The following PACRG variants were observed in gnomAD, a reference collection of about 807,000 sequenced individuals.
PACRG encodes the protein parkin coregulated gene protein.
Under a neutral mutation model 29.7 loss-of-function variants are expected in PACRG, and 29 were observed. The observed-to-expected ratio is 0.98, with a 90% CI of 0.73 to 1.33. The LOEUF (loss-of-function observed/expected upper bound fraction) is 1.33, where lower values mean the gene tolerates loss of function less well. Ranked by LOEUF, PACRG falls within the 40% of genes most tolerant of loss-of-function variation. The probability of loss-of-function intolerance (pLI) is 0.00; values close to 1 mark genes in which losing one functional copy is unlikely to be tolerated. For synonymous variants in PACRG, 116 were observed against 118.7 expected, an observed-to-expected ratio of 0.98 and a Z score of 0.15; for missense variants, 279 against 316.2, an observed-to-expected ratio of 0.88 and a Z score of 0.89.
intron 1 of PACRG, among the ~76,000 whole-genome samples, chr6:162,779,279 C>T (rs75674869): frequency 0.016 from 2,492 of 152,270 alleles, 41 homozygotes; most frequent in Middle Eastern, 0.034. Flanking sequence ...TCCAGTCTGT[C>T]GTCAACGAGC....
rs554397381 is a variant in PACRG, at chr6:162,741,651, C to T, written c.156+13260C>T. 3.3e-5 allele frequency among the ~76,000 whole-genome samples: 5 copies of T among 152,302 alleles called. No individual in the cohort carries two copies. In the South Asian group the frequency reaches 1.0e-3, roughly 32 times the overall value. On this transcript the variant is annotated intron_variant, in intron 1 of 4. Transcript: ENST00000366888. Reference sequence around the variant, plus strand: ...TTCACATTAGGGATTAGAGCTTCAACACATTAATTTTGGGGAACACAAACA... The same window carrying T: ...TTCACATTAGGGATTAGAGCTTCAATACATTAATTTTGGGGAACACAAACA...
intron 4 of PACRG, among the ~76,000 whole-genome samples, chr6:163,131,597 T>G (rs1224965807): frequency 1.3e-5 from 2 of 152,140 alleles, no homozygotes; most frequent in African/African-American, 2.4e-5. Flanking sequence ...ACCAGGTTTG[T>G]GGTATGTTTT....
At chr6:162,751,854 A>G (rs6925873) in intron 1 of PACRG, among the ~76,000 whole-genome samples, 33,232 of 151,956 alleles carry the variant, frequency 0.22, 4,347 homozygotes, top group African/African-American at 0.34. Flanking sequence ...TCACACTCCA[A>G]CCCCAAAATG....
intron 4 of PACRG, among the ~76,000 whole-genome samples, chr6:163,135,783 C>T (rs1211347514): frequency 1.3e-5 from 2 of 152,176 alleles, no homozygotes; most frequent in South Asian, 2.1e-4. Context: ...GTGCATCGCT[C>T]GACAAGCCGG....
At chr6:163,294,780 A>G (rs1281455104) in intron 4 of PACRG, among the ~76,000 whole-genome samples, 1 of 151,656 alleles carries the variant, frequency 6.6e-6, no homozygotes, top group Non-Finnish European at 1.5e-5. Context: ...TAGAAGGAAA[A>G]CAGTTTTCAT....
At chr6:163,116,639 A>G (rs1457091408) in intron 4 of PACRG, among the ~76,000 whole-genome samples, 1 of 152,056 alleles carries the variant, frequency 6.6e-6, no homozygotes, top group African/African-American at 2.4e-5. Flanking sequence ...ACGAGTGTAG[A>G]TGTTTGCTCA....
chr6:163,056,436 A>G (rs1369986293), intron 2 of PACRG, among the ~76,000 whole-genome samples: 4 of 152,210 alleles, frequency 2.6e-5, no homozygotes, highest in Non-Finnish European at 5.9e-5. Context: ...GTCTGTGTCA[A>G]CCTACCCCTA....
rs1285369476 is a variant in PACRG at position 162,747,456 on chromosome 6, ATAAATATATATGTAAAAC to A, written c.156+19068_156+19085del. ...TGTAAAACTATATATATATATAACT[ATAAATATATATGTAAAAC>A]TATATATATATATATATATTCCATT... is the stretch of plus-strand genomic sequence containing the variant. On this transcript the variant is annotated intron_variant, in intron 1 of 4. Transcript: ENST00000366888. 4.8e-4 allele frequency among the ~76,000 whole-genome samples: 47 copies of A among 97,846 alleles called. 9 individuals are homozygous for A. Among genetic ancestry groups the A allele is most frequent in the African/African-American group, 2.2e-3 (44 of 20,008 alleles). The allele number at this position is 97,846 out of a possible 152,430, so 64.2% of individuals were successfully genotyped here. A position where few individuals can be genotyped will look rare whatever the true frequency, so the allele number is the denominator to read the frequency against.
At chr6:163,157,235 C>T (rs1487108523) in intron 4 of PACRG, among the ~76,000 whole-genome samples, 2 of 152,228 alleles carry the variant, frequency 1.3e-5, no homozygotes, top group Non-Finnish European at 2.9e-5. Context: ...CAAGAAACCA[C>T]TGGCATTTGC....
At chr6:163,053,750 C>T (rs1810267420) in intron 2 of PACRG, among the ~76,000 whole-genome samples, 1 of 152,150 alleles carries the variant, frequency 6.6e-6, no homozygotes, top group Admixed American at 6.5e-5. Context: ...CCTTCACCTA[C>T]AGAGTCAGTG....
chr6:163,218,373 T>C (rs537914971), intron 4 of PACRG, among the ~76,000 whole-genome samples: 1 of 152,320 alleles, frequency 6.6e-6, no homozygotes, highest in South Asian at 2.1e-4. Context: ...ACTGCAATTT[T>C]CATGCTAGAA....
intron 2 of PACRG, among the ~76,000 whole-genome samples, chr6:163,035,179 G>A (rs1272070647): frequency 6.6e-6 from 1 of 152,140 alleles, no homozygotes; most frequent in Non-Finnish European, 1.5e-5. Flanking sequence ...TTTATGACCT[G>A]TATCTTGTGT....
chr6:163,247,323 C>A (rs1434862054), intron 4 of PACRG, among the ~76,000 whole-genome samples: 1 of 152,150 alleles, frequency 6.6e-6, no homozygotes, highest in Non-Finnish European at 1.5e-5. Context: ...CCTGGAGGAG[C>A]GCTCCTTATG....
chr6:163,158,232 C>G (rs1197398197), intron 4 of PACRG, among the ~76,000 whole-genome samples: 1 of 152,158 alleles, frequency 6.6e-6, no homozygotes, highest in Non-Finnish European at 1.5e-5. Flanking sequence ...GAGTGGCCAC[C>G]TTGATTAATG....
At chr6:162,989,760 T>C (rs149774761) in intron 2 of PACRG, among the ~76,000 whole-genome samples, 3,049 of 151,452 alleles carry the variant, frequency 0.02, 91 homozygotes, top group African/African-American at 0.063. Context: ...TATTATACTT[T>C]AAGTTTTAGG....
At chr6:163,134,283 A>G (rs1442188313) in intron 4 of PACRG, among the ~76,000 whole-genome samples, 2 of 152,124 alleles carry the variant, frequency 1.3e-5, no homozygotes, top group Admixed American at 1.3e-4. Flanking sequence ...ATTCAAAGCA[A>G]GTTCTGGTTC....
At chr6:162,989,454 T>A (rs1803217137) in intron 2 of PACRG, among the ~76,000 whole-genome samples, 14 of 152,182 alleles carry the variant, frequency 9.2e-5, no homozygotes, top group Admixed American at 9.2e-4. Flanking sequence ...GTACCTGACA[T>A]GAAATGACAT....
chr6:162,984,657 C>T (rs1051888476), intron 2 of PACRG, among the ~76,000 whole-genome samples: 2 of 151,948 alleles, frequency 1.3e-5, no homozygotes, highest in Non-Finnish European at 2.9e-5. Flanking sequence ...GTTCCCTTTT[C>T]ACCACATCCA....
intron 2 of PACRG, among the ~76,000 whole-genome samples, chr6:163,017,924 G>A (rs997969425): frequency 5.3e-5 from 8 of 151,896 alleles, no homozygotes; most frequent in Admixed American, 3.9e-4. Flanking sequence ...TAGTGTATGA[G>A]TAAGACTCAA....
Sources: gnomAD v4.1 joint callset for allele counts (sites outside exome capture counted in the v4.1 genomes callset) on GRCh38, gnomAD v4.1.1 for gene constraint, MANE v1.5 for transcripts, NCBI Gene and HGNC (gene_info 2026-07-23, HGNC 2026-07-21) for gene names.